CADPS2: variants seen among roughly 807,000 people sequenced by gnomAD.
CADPS2 encodes calcium dependent secretion activator 2.
A neutral mutation model predicts 172.5 loss-of-function variants in CADPS2; 93 were observed. The ratio of observed to expected loss-of-function variants is 0.54; its 90% confidence interval spans 0.46 to 0.64. The LOEUF is 0.64. Ranked by LOEUF, CADPS2 falls within the 30% of genes least tolerant of loss-of-function variation. The pLI is 0.00. For synonymous variants in CADPS2, 546 were observed against 555.2 expected, an observed-to-expected ratio of 0.98 and a Z score of 0.23; for missense variants, 1,420 against 1,565.9, an observed-to-expected ratio of 0.91 and a Z score of 1.57.
intron 20 of CADPS2, 68 bp downstream of exon 20, chr7:122,407,472 A>G: frequency 6.6e-7 from 1 of 1,506,550 alleles, no homozygotes; most frequent in African/African-American, 1.4e-5. Context: ...CACAGTAAAA[A>G]TACATTCACA....
intron 6 of CADPS2, 42 bp from the exon 7 acceptor site, chr7:122,581,332 A>G (rs1563766825): frequency 6.6e-7 from 1 of 1,511,466 alleles, no homozygotes; most frequent in African/African-American, 1.4e-5. Flanking sequence ...ATGCAGCATT[A>G]TTTTTTTCCC....
chr7:122,654,100 T>G (rs111657638), intron 3 of CADPS2, among the ~76,000 whole-genome samples: 5 of 152,146 alleles, frequency 3.3e-5, no homozygotes, highest in Admixed American at 2.6e-4. Flanking sequence ...AACAGCCAAA[T>G]TGAAGGCTAT....
chr7:122,853,468 A>G (rs1475966907), intron 1 of CADPS2, among the ~76,000 whole-genome samples: 1 of 152,182 alleles, frequency 6.6e-6, no homozygotes, highest in Non-Finnish European at 1.5e-5. Context: ...TTGTTGCTTT[A>G]GCCCAAAGGG....
At chr7:122,479,985 A>T (rs1319433072) in intron 12 of CADPS2, 1 of 367,422 alleles carries the variant, frequency 2.7e-6, no homozygotes, top group African/African-American at 2.1e-5. Context: ...GTATTATGTT[A>T]CATATATAAC....
At chr7:122,510,209 G>A (rs1024942485) in intron 9 of CADPS2, among the ~76,000 whole-genome samples, 5 of 151,900 alleles carry the variant, frequency 3.3e-5, no homozygotes, top group Middle Eastern at 3.2e-3. Flanking sequence ...AGTATTTCAA[G>A]CATATTCTTC....
Position 122,474,468 on chromosome 7 carries a change from G to T in CADPS2, c.1911C>A (p.Asn637Lys), listed in dbSNP as rs751078397. ...GGAAGGCATGATCAAGCTTGCAGGGGTTTGCAGAAATAAACTCATCCATAC... is the reference window on the plus strand; with the variant it reads ...GGAAGGCATGATCAAGCTTGCAGGGTTTTGCAGAAATAAACTCATCCATAC... ...KHGMDEFISA[N>K]PCKLDHAFLF... Residue 637 changes from asparagine (N) to lysine (K), a missense_variant, in exon 13 of 30, where the codon AAC becomes AAA. Transcript: ENST00000449022. 2.5e-6 allele frequency: 4 copies of T among 1,613,294 alleles called. 1 individual carries two copies. The highest frequency in any genetic ancestry group is 2.2e-5 in the South Asian group (2 of 91,060).
chr7:122,503,487 C>T (rs1264206681), intron 9 of CADPS2, among the ~76,000 whole-genome samples: 1 of 152,104 alleles, frequency 6.6e-6, no homozygotes, highest in Admixed American at 6.5e-5. Flanking sequence ...GGAGGATGCA[C>T]AGTTGTATAA....
At position 122,831,378 on chromosome 7, in the gene CADPS2, A is replaced by G. The variant is rs573127496; in HGVS notation, c.339+54621T>C. Among the ~76,000 whole-genome samples the G allele has an allele frequency of 6.6e-5, 10 of 152,366 alleles. No homozygotes were observed. The South Asian group carries it at 1.9e-3, about 28-fold the overall frequency. On this transcript the variant is annotated intron_variant, in intron 1 of 29. Transcript: ENST00000449022. ...CTATGTCATTTGTACCATAAAAAAG[A>G]AAAACATTCTAGTCTTCAAAAACCA...
intron 15 of CADPS2, among the ~76,000 whole-genome samples, chr7:122,449,466 C>T (rs2052757387): frequency 6.6e-6 from 1 of 152,034 alleles, no homozygotes; most frequent in Non-Finnish European, 1.5e-5. Flanking sequence ...CAGGCACACA[C>T]CACCACACCC....
At position 122,886,342 on chromosome 7, in the gene CADPS2, C is replaced by A. The variant is rs763028682; in HGVS notation, c.-5G>T. On this transcript the variant is annotated 5_prime_UTR_variant, in exon 1 of 30. Coordinates refer to ENST00000449022, the MANE Select transcript of CADPS2 (RefSeq NM_017954.11). ...GCTGGAAGACGGGTCCAGCATGGTG[C>A]TCGGGGATCCCCGCCGCTCGGCCCG... 79 of 1,492,634 alleles carry A rather than the reference C, an allele frequency of 5.3e-5. 1 individual carries two copies. The South Asian group carries it at 7.8e-4, about 15-fold the overall frequency. The allele number at this position is 1,492,634 out of a possible 1,614,324, so 92.5% of individuals were successfully genotyped here.
chr7:122,503,367 A>T (rs1221378432), intron 9 of CADPS2, among the ~76,000 whole-genome samples: 2 of 152,130 alleles, frequency 1.3e-5, no homozygotes, highest in Non-Finnish European at 2.9e-5. Context: ...GTAGATATAA[A>T]ATCACAAAAG....
Position 122,622,109 on chromosome 7 carries a change from C to G in CADPS2, c.868-392G>C, listed in dbSNP as rs530921126. Among the ~76,000 whole-genome samples the G allele has an allele frequency of 2.6e-5, 4 of 152,254 alleles. No homozygotes were observed. In the East Asian group the frequency reaches 7.7e-4, roughly 29 times the overall value. On this transcript the variant is annotated intron_variant, in intron 4 of 29. Coordinates refer to ENST00000449022, the MANE Select transcript of CADPS2 (RefSeq NM_017954.11). ...GGTCTATAAAAAAATGTTCAGGACA[C>G]ACAGCTTTCCAAGTTAGGAAACAAA...
intron 28 of CADPS2, among the ~76,000 whole-genome samples, chr7:122,338,205 T>A (rs2036196613): frequency 6.6e-6 from 1 of 152,144 alleles, no homozygotes; most frequent in Non-Finnish European, 1.5e-5. Flanking sequence ...GAGACCACCC[T>A]GGGCAACGTG....
intron 17 of CADPS2, among the ~76,000 whole-genome samples, chr7:122,432,654 A>AAG (rs2050107661): frequency 6.6e-6 from 1 of 150,966 alleles, no homozygotes; most frequent in Non-Finnish European, 1.5e-5. Flanking sequence ...AAAAAAAAAA[A>AAG]AAAAAAAGAA....
At chr7:122,709,750 C>T (rs1252295731) in intron 2 of CADPS2, among the ~76,000 whole-genome samples, 2 of 152,058 alleles carry the variant, frequency 1.3e-5, no homozygotes, top group Non-Finnish European at 2.9e-5. Flanking sequence ...AGTTCACGTC[C>T]TTTGTAGGGA....
chr7:122,498,046 C>T (rs1563514587), intron 9 of CADPS2, among the ~76,000 whole-genome samples: 1 of 152,182 alleles, frequency 6.6e-6, no homozygotes, highest in South Asian at 2.1e-4. Context: ...ACCTCCTCCT[C>T]AAGCCATTCT....
chr7:122,815,208 T>C (rs1801018506), intron 1 of CADPS2, among the ~76,000 whole-genome samples: 1 of 152,286 alleles, frequency 6.6e-6, no homozygotes, highest in South Asian at 2.1e-4. Context: ...CTACACATAA[T>C]GTAAGGTTTG....
chr7:122,554,906 T>G (rs536633541), intron 7 of CADPS2, among the ~76,000 whole-genome samples: 8 of 152,272 alleles, frequency 5.3e-5, no homozygotes, highest in African/African-American at 1.9e-4. Flanking sequence ...TATCACATAA[T>G]GAGTTTTCTT....
chr7:122,583,834 TATCATATACATCAC>T (rs1236695823), intron 6 of CADPS2, among the ~76,000 whole-genome samples: 1 of 150,968 alleles, frequency 6.6e-6, no homozygotes, highest in Non-Finnish European at 1.5e-5. Flanking sequence ...TGTATATTCA[TATCATATACATCAC>T]ATCATATACA....
Sources: allele counts gnomAD v4.1 joint callset (sites outside exome capture counted in the v4.1 genomes callset), GRCh38; gene constraint gnomAD v4.1.1; transcripts MANE v1.5; gene names NCBI Gene and HGNC (gene_info 2026-07-23, HGNC 2026-07-21).